Variants in NXPE2 observed in about 807,000 individuals in gnomAD.
The protein encoded by NXPE2 is NXPE family member 2.
In NXPE2, 34 loss-of-function variants were observed where a neutral mutation model predicts 34.4. The observed-to-expected ratio is 0.99, with a 90% CI of 0.75 to 1.31. The LOEUF (loss-of-function observed/expected upper bound fraction) is 1.31, where lower values mean the gene tolerates loss of function less well. NXPE2 is among the 40% of genes most tolerant of loss of function. The pLI is 0.00. For synonymous variants in NXPE2, 235 were observed against 231.3 expected (o/e 1.02, Z -0.15); for missense variants, 649 against 672.5 (o/e 0.97, Z 0.39).
the NXPE2 span, among the ~76,000 whole-genome samples, chr11:114,575,319 A>T: frequency 4.4e-4 from 67 of 152,248 alleles, 1 homozygote; most frequent in Middle Eastern, 3.4e-3. Context: ...TATCTTCAAC[A>T]TAGTACTGGA....
chr11:114,535,715 T>C, the NXPE2 span, among the ~76,000 whole-genome samples: 4 of 152,142 alleles, frequency 2.6e-5, no homozygotes, highest in South Asian at 8.3e-4. Flanking sequence ...AGGAATCAAT[T>C]CAACAAGAAG....
At chr11:114,740,424 C>T in the NXPE2 span, among the ~76,000 whole-genome samples, 5 of 152,058 alleles carry the variant, frequency 3.3e-5, no homozygotes, top group African/African-American at 4.8e-5. Context: ...GCATGTTCTT[C>T]GACATGCAAG....
chr11:114,746,222 G>A, the NXPE2 span, among the ~76,000 whole-genome samples: 2 of 152,128 alleles, frequency 1.3e-5, no homozygotes, highest in Middle Eastern at 6.8e-3. Context: ...CGGTAATGAG[G>A]TGTTGACCCT....
At chr11:114,714,819 C>T in the NXPE2 span, among the ~76,000 whole-genome samples, 2 of 152,076 alleles carry the variant, frequency 1.3e-5, no homozygotes, top group Non-Finnish European at 2.9e-5. Flanking sequence ...GTCAGGAGTT[C>T]GAGACCAGCC....
At chr11:114,477,654 C>T in the NXPE2 span, among the ~76,000 whole-genome samples, 1 of 152,010 alleles carries the variant, frequency 6.6e-6, no homozygotes, top group African/African-American at 2.4e-5. Context: ...CTGACATGTG[C>T]AGCAATATGG....
chr11:114,679,816 A>G (rs963361922), intron 2 of NXPE2, 54 bp downstream of exon 2: 8 of 1,010,952 alleles, frequency 7.9e-6, no homozygotes, highest in Middle Eastern at 2.0e-4. Flanking sequence ...ACTTCATTTG[A>G]ATGACCCCCT....
At chr11:114,530,163 A>G in the NXPE2 span, 1 of 1,580,880 alleles carries the variant, frequency 6.3e-7, no homozygotes, top group Non-Finnish European at 8.6e-7. Context: ...TATACATGAA[A>G]AGTATACTCA....
the NXPE2 span, among the ~76,000 whole-genome samples, chr11:114,481,188 A>G: frequency 1.3e-5 from 2 of 152,176 alleles, no homozygotes; most frequent in African/African-American, 2.4e-5. Flanking sequence ...GAAGGCTTAA[A>G]ACTGTGATGT....
chr11:114,724,081 G>GTTGA, the NXPE2 span, among the ~76,000 whole-genome samples: 2 of 152,084 alleles, frequency 1.3e-5, no homozygotes, highest in African/African-American at 4.8e-5. Flanking sequence ...AAACTTGTTG[G>GTTGA]ACGGAATAGC....
At chr11:114,562,948 C>G in the NXPE2 span, among the ~76,000 whole-genome samples, 1 of 152,046 alleles carries the variant, frequency 6.6e-6, no homozygotes, top group East Asian at 1.9e-4. Context: ...TGAGAGAGAC[C>G]CATTTCTTTT....
chr11:114,646,500 C>T, the NXPE2 span, among the ~76,000 whole-genome samples: 1 of 151,816 alleles, frequency 6.6e-6, no homozygotes, highest in Non-Finnish European at 1.5e-5. Context: ...GATCACTTAA[C>T]TTTATTAGAA....
the NXPE2 span, among the ~76,000 whole-genome samples, chr11:114,715,094 A>G: frequency 1.8e-4 from 28 of 152,330 alleles, no homozygotes; most frequent in South Asian, 1.0e-3. Flanking sequence ...GAAATCAATA[A>G]CACTGGTTGA....
chr11:114,685,914 C>T (rs1951037335), intron 2 of NXPE2, among the ~76,000 whole-genome samples: 1 of 151,630 alleles, frequency 6.6e-6, no homozygotes, highest in Non-Finnish European at 1.5e-5. Context: ...CAGAGGTTAA[C>T]TAAGGAATGG....
chr11:114,579,085 G>C, the NXPE2 span, among the ~76,000 whole-genome samples: 2 of 152,174 alleles, frequency 1.3e-5, no homozygotes, highest in African/African-American at 4.8e-5. Context: ...GGCTGTACAA[G>C]CATGGCATCG....
At chr11:114,537,946 G>A in the NXPE2 span, among the ~76,000 whole-genome samples, 2,007 of 152,166 alleles carry the variant, frequency 0.013, 27 homozygotes, top group Non-Finnish European at 0.021. Context: ...AAGTTCATAT[G>A]GAACCAAAAA....
chr11:114,787,649 C>A, the NXPE2 span, among the ~76,000 whole-genome samples: 1 of 152,166 alleles, frequency 6.6e-6, no homozygotes, highest in East Asian at 1.9e-4. Flanking sequence ...TTAGACTGAC[C>A]AATTATTTCT....
the NXPE2 span, among the ~76,000 whole-genome samples, chr11:114,724,657 C>A: frequency 6.6e-6 from 1 of 151,964 alleles, no homozygotes; most frequent in Non-Finnish European, 1.5e-5. Flanking sequence ...CTTAATCATC[C>A]TCCATTGCAC....
intron 3 of NXPE2, among the ~76,000 whole-genome samples, chr11:114,701,901 G>A (rs969832409): frequency 9.2e-5 from 14 of 152,284 alleles, no homozygotes; most frequent in Admixed American, 3.9e-4. Context: ...CTTGGGTTCC[G>A]TGGGGCTGAA....
Position 114,698,644 on chromosome 11 carries a change from C to T in NXPE2, c.732C>T (p.Tyr244=), listed in dbSNP as rs766415440. ...ACACAAATGCTGAACTGTGCCAGTA[C>T]ATGGATGACAGAGACCAAGAAGCCT... The part of the protein sequence containing the change: ...TLNTNAELCQ[Y]MDDRDQEAFY... The change falls in exon 3 of 6, where the codon TAC becomes TAT. Residue 244 remains tyrosine (Y), a synonymous_variant. Transcript: ENST00000389586. 7.4e-6 allele frequency: 12 copies of T among 1,614,056 alleles called. No homozygotes were observed. Among genetic ancestry groups the T allele is most frequent in the East Asian group, 2.2e-5 (1 of 44,896 alleles).
Sources: allele counts gnomAD v4.1 joint callset (sites outside exome capture counted in the v4.1 genomes callset), GRCh38; gene constraint gnomAD v4.1.1; transcripts MANE v1.5; gene names NCBI Gene and HGNC (gene_info 2026-07-23, HGNC 2026-07-21).